The following SCAMP1 variants were observed in gnomAD, a reference collection of about 807,000 sequenced individuals.
SCAMP1 encodes secretory carrier membrane protein 1.
Under a neutral mutation model 41.8 loss-of-function variants are expected in SCAMP1, and 15 were observed. The observed-to-expected ratio is 0.36, with a 90% CI of 0.24 to 0.55. The LOEUF is 0.55. Ranked by LOEUF, SCAMP1 falls within the 20% of genes least tolerant of loss-of-function variation. SCAMP1 has a pLI of 0.86. For synonymous variants in SCAMP1, 135 were observed against 136.8 expected (o/e 0.99, Z 0.09); for missense variants, 341 against 412.6 (o/e 0.83, Z 1.50).
chr5:78,430,317 C>T (rs1196689778), intron 6 of SCAMP1, among the ~76,000 whole-genome samples: 2 of 149,244 alleles, frequency 1.3e-5, no homozygotes, highest in African/African-American at 4.9e-5. Context: ...GCTGCACTTT[C>T]TAGTATATCG....
At chr5:78,374,424 G>T (rs555270465) in intron 1 of SCAMP1, among the ~76,000 whole-genome samples, 1 of 152,176 alleles carries the variant, frequency 6.6e-6, no homozygotes, top group African/African-American at 2.4e-5. Context: ...TCATGGAATT[G>T]CTTCAATAAG....
Position 78,417,548 on chromosome 5 carries a change from A to T in SCAMP1, c.343+899A>T, listed in dbSNP as rs1355888301. 3.3e-5 allele frequency among the ~76,000 whole-genome samples: 5 copies of T among 152,366 alleles called. No homozygotes were observed. The East Asian group carries it at 9.6e-4, about 29-fold the overall frequency. ...GACAGTAACAAAGAGTAGGAAATTA[A>T]CAATTAGACTGCAGTATGTTAGCAC... On this transcript the variant is annotated intron_variant, in intron 4 of 8. Transcript: ENST00000621999.
Position 78,382,842 on chromosome 5 carries a change from C to T in SCAMP1, c.58-5995C>T, listed in dbSNP as rs1751245216. ...GTGCGCCACATTTTCTGTATCCACT[C>T]GTTGATTGATATGAATTTAGGCTGG... On this transcript the variant is annotated intron_variant, in intron 1 of 8. Transcript: ENST00000621999. Among the ~76,000 whole-genome samples the T allele has an allele frequency of 2.7e-5, 4 of 146,764 alleles. No homozygotes were observed. The South Asian group carries it at 8.6e-4, about 31-fold the overall frequency.
At chr5:78,454,179 TCTC>T (rs1332478658) in intron 7 of SCAMP1, among the ~76,000 whole-genome samples, 2 of 151,696 alleles carry the variant, frequency 1.3e-5, no homozygotes, top group Non-Finnish European at 3.0e-5. Context: ...TTTATTTCCT[TCTC>T]CTGCCTAATT....
chr5:78,443,547 T>G (rs1752980250), intron 6 of SCAMP1, among the ~76,000 whole-genome samples: 1 of 152,122 alleles, frequency 6.6e-6, no homozygotes, highest in Non-Finnish European at 1.5e-5. Flanking sequence ...GTGAGCTTTT[T>G]CATTGACCCC....
At chr5:78,371,453 A>G (rs746328588) in intron 1 of SCAMP1, among the ~76,000 whole-genome samples, 3 of 152,210 alleles carry the variant, frequency 2.0e-5, no homozygotes, top group Middle Eastern at 3.2e-3. Flanking sequence ...ACACTTGTCA[A>G]AAATCTCAGT....
intron 6 of SCAMP1, among the ~76,000 whole-genome samples, chr5:78,428,368 G>A (rs181430234): frequency 1.5e-3 from 233 of 152,144 alleles, no homozygotes; most frequent in South Asian, 7.5e-3. Flanking sequence ...TCCATATATG[G>A]AGAGGTCTAT....
intron 6 of SCAMP1, among the ~76,000 whole-genome samples, chr5:78,441,788 T>C (rs938234455): frequency 1.3e-5 from 2 of 152,102 alleles, no homozygotes; most frequent in East Asian, 3.9e-4. Context: ...TGAGCCAAGA[T>C]TGAGCCACTG....
At chr5:78,417,679 C>T (rs757813659) in intron 4 of SCAMP1, among the ~76,000 whole-genome samples, 11 of 152,108 alleles carry the variant, frequency 7.2e-5, no homozygotes, top group African/African-American at 9.7e-5. Flanking sequence ...AACTAAGGCT[C>T]GGAGGAGAGA....
chr5:78,447,298 A>T (rs151241885), intron 6 of SCAMP1, among the ~76,000 whole-genome samples: 1 of 152,246 alleles, frequency 6.6e-6, no homozygotes, highest in Non-Finnish European at 1.5e-5. Flanking sequence ...ACCTTAAAAT[A>T]GTCAAGACAA....
chr5:78,369,881 G>C (rs1357351758), intron 1 of SCAMP1, among the ~76,000 whole-genome samples: 1 of 152,194 alleles, frequency 6.6e-6, no homozygotes, highest in African/African-American at 2.4e-5. Flanking sequence ...ATGTCCTCTA[G>C]GGTGTGACTT....
chr5:78,457,547 G>T (rs1456894079), intron 7 of SCAMP1, among the ~76,000 whole-genome samples: 1 of 152,204 alleles, frequency 6.6e-6, no homozygotes, highest in African/African-American at 2.4e-5. Context: ...CCCGTTCTCA[G>T]ATCTCCAGCT....
chr5:78,469,908 A>ACAAAC (rs1561290916), intron 8 of SCAMP1, among the ~76,000 whole-genome samples: 1 of 38,458 alleles, frequency 2.6e-5, no homozygotes, highest in Non-Finnish European at 5.0e-5. Context: ...AAAAAAAAAA[A>ACAAAC]AAAACAAAAA....
intron 1 of SCAMP1, among the ~76,000 whole-genome samples, chr5:78,377,002 C>T (rs923928567): frequency 6.6e-6 from 1 of 152,014 alleles, no homozygotes; most frequent in African/African-American, 2.4e-5. Context: ...AAGATTTTCC[C>T]CCCTACCTTG....
At chr5:78,470,655 C>G (rs1753864159) in intron 8 of SCAMP1, among the ~76,000 whole-genome samples, 1 of 152,024 alleles carries the variant, frequency 6.6e-6, no homozygotes, top group Admixed American at 6.6e-5. Flanking sequence ...TTGCTTTTAC[C>G]TCTCTTGTGT....
intron 8 of SCAMP1, among the ~76,000 whole-genome samples, chr5:78,463,697 A>G (rs7356762): frequency 0.45 from 68,832 of 151,984 alleles, 16,384 homozygotes; most frequent in Non-Finnish European, 0.51. Context: ...CAGAAAATGT[A>G]TTACAGCTTG....
At chr5:78,452,333 C>G (rs896030075) in intron 7 of SCAMP1, among the ~76,000 whole-genome samples, 1 of 135,350 alleles carries the variant, frequency 7.4e-6, no homozygotes, top group Non-Finnish European at 1.6e-5. Context: ...ATCCCTCCCC[C>G]CTCCCTCCCC....
chr5:78,392,032 AGGGAGACCGTGGAAAGAGAGGGAGAG>A (rs1167882090), intron 2 of SCAMP1, among the ~76,000 whole-genome samples: 6 of 1,372 alleles, frequency 4.4e-3, no homozygotes, highest in Non-Finnish European at 0.012. Flanking sequence ...AGAGAGGGAG[AGGGAGACCGTGGAAAGAGAGGGAGAG>A]GGAGACCGTG....
chr5:78,383,091 C>T (rs1322682525), intron 1 of SCAMP1, among the ~76,000 whole-genome samples: 1 of 151,918 alleles, frequency 6.6e-6, no homozygotes, highest in Non-Finnish European at 1.5e-5. Context: ...CCCTTTTTAC[C>T]ACATCCACAC....
Sources: allele counts gnomAD v4.1 joint callset (sites outside exome capture counted in the v4.1 genomes callset), GRCh38; gene constraint gnomAD v4.1.1; transcripts MANE v1.5; gene names NCBI Gene and HGNC (gene_info 2026-07-23, HGNC 2026-07-21).